The following RIPOR1 variants were observed in gnomAD, a reference collection of about 807,000 sequenced individuals.
The protein encoded by RIPOR1 is rho family-interacting cell polarization regulator 1.
A neutral mutation model predicts 116.5 loss-of-function variants in RIPOR1; 58 were observed. The ratio of observed to expected loss-of-function variants is 0.50; its 90% CI spans 0.40 to 0.62. The LOEUF (loss-of-function observed/expected upper bound fraction) is 0.62, where lower values mean the gene tolerates loss of function less well. Ranked by LOEUF, RIPOR1 falls within the 20% of genes least tolerant of loss-of-function variation. The probability of loss-of-function intolerance (pLI) is 0.00; values close to 1 mark genes in which losing one functional copy is unlikely to be tolerated. For missense variants in RIPOR1, 1,372 were observed against 1,586.2 expected, an observed-to-expected ratio of 0.86 and a Z score of 2.29; for synonymous variants, 605 against 650.0, an observed-to-expected ratio of 0.93 and a Z score of 1.05.
At position 67,543,114 on chromosome 16, in the gene RIPOR1, C is replaced by T. The variant is rs2051046844; in HGVS notation, c.2328C>T (p.Thr776=). The part of the protein sequence containing the change: ...SDLCLAMAVQ[T]PVPTAAGGSG... The stretch of plus-strand genomic sequence containing the variant: ...TTTGCCTGGCCATGGCTGTCCAGAC[C>T]CCAGTCCCAACGGCAGCCGGAGGGT... Residue 776 remains threonine (T), a synonymous_variant, in exon 13 of 22, where the codon ACC becomes ACT. Transcript: ENST00000042381. The surrounding 1 kb of genome is among the most constrained non-coding windows in gnomAD (Gnocchi z 4.7). 6.6e-7 allele frequency: 1 copy of T among 1,524,356 alleles called. No homozygotes were observed. The highest frequency in any genetic ancestry group is 1.4e-5 in the African/African-American group (1 of 71,972). The allele number at this position is 1,524,356 out of a possible 1,614,324, so 94.4% of individuals were successfully genotyped here.
At chr16:67,528,943 G>A in intron 1 of RIPOR1, 29 bp downstream of exon 1, 2 of 189,236 alleles carry the variant, frequency 1.1e-5, no homozygotes, top group Non-Finnish European at 2.2e-5. Flanking sequence ...TTCCGGGGCT[G>A]CAGGCCGGGC....
chr16:67,534,539 C>A (rs2142468172), intron 1 of RIPOR1, among the ~76,000 whole-genome samples: 1 of 152,332 alleles, frequency 6.6e-6, no homozygotes, highest in African/African-American at 2.4e-5. Flanking sequence ...CATATAGAAT[C>A]AGGAAATTTA....
In RIPOR1 at chr16:67,540,385, T is replaced by G. The variant is rs1597644096; in HGVS notation, c.631+22T>G. On this transcript the variant is annotated intron_variant, in intron 8 of 21. Transcript: ENST00000042381. This position sits in a 1 kb window ranked among gnomAD's most constrained non-coding sequence, Gnocchi z 4.7. Reference sequence around the variant, plus strand: ...AAAGGTACTGAGTTGTGGGGGCAGGTGGGGGGCTGGAGGGAGTATGCTGAA... The same window carrying G: ...AAAGGTACTGAGTTGTGGGGGCAGGGGGGGGGCTGGAGGGAGTATGCTGAA... 6.2e-7 allele frequency: 1 copy of G among 1,614,000 alleles called. No homozygotes were observed. The highest frequency in any genetic ancestry group is 8.5e-7 in the Non-Finnish European group (1 of 1,179,958).
rs1019316402 is a variant in RIPOR1 at position 67,537,385 on chromosome 16, A to G, written c.-23-1039A>G. ...CGGTCCCCTCCCCGAGGGGAACCCC[A>G]GTCACCGGTCCCGCCCCATCCAGGC... On this transcript the variant is annotated intron_variant, in intron 1 of 21. Transcript: ENST00000042381. The surrounding 1 kb of genome is among the most constrained non-coding windows in gnomAD (Gnocchi z 4.6). The G allele has an allele frequency of 8.3e-5, 102 of 1,229,562 alleles. No homozygotes were observed. Among genetic ancestry groups the G allele is most frequent in the Non-Finnish European group, 1.0e-4 (100 of 986,170 alleles). The allele number at this position is 1,229,562 out of a possible 1,614,324, so 76.2% of individuals were successfully genotyped here.
At chr16:67,527,004 G>A (rs2050545325), upstream of RIPOR1, among the ~76,000 whole-genome samples, 2 of 152,366 alleles carry the variant, frequency 1.3e-5, no homozygotes, top group Admixed American at 6.5e-5. Context: ...TCTGGGCACA[G>A]AGGGAAGTTT....
rs1296098519 is a variant in RIPOR1 at position 67,542,152 on chromosome 16, G to A, written c.1366G>A (p.Val456Ile). The change falls in exon 13 of 22, where the codon GTA becomes ATA. Residue 456 changes from valine to isoleucine, a missense_variant. Transcript: ENST00000042381. This position sits in a 1 kb window ranked among gnomAD's most constrained non-coding sequence, Gnocchi z 4.6. ...RTLSHISEASVDAALAEASVE... is the reference protein window; with the variant it reads ...RTLSHISEASIDAALAEASVE... ...TCTGAGCCACATCAGTGAGGCTAGT[G>A]TAGATGCTGCCTTGGCTGAGGCTTC... The A allele has an allele frequency of 6.2e-7, 1 of 1,613,984 alleles. No homozygotes were observed. Among genetic ancestry groups the A allele is most frequent in the Non-Finnish European group, 8.5e-7 (1 of 1,179,902 alleles).
chr16:67,544,267 C>G lies in RIPOR1; in HGVS notation c.2601-32C>G, dbSNP rs1597655601. 6.3e-7 allele frequency: 1 copy of G among 1,581,754 alleles called. No individual in the cohort carries two copies. The highest frequency in any genetic ancestry group is 2.3e-5 in the East Asian group (1 of 44,028). ...CTGGTGACCAGGTGGTGATGTGTGCCTGTGGGGTGGTGGACCCCATTTTTC... is the reference window on the plus strand; with the variant it reads ...CTGGTGACCAGGTGGTGATGTGTGCGTGTGGGGTGGTGGACCCCATTTTTC... On this transcript the variant is annotated intron_variant, in intron 14 of 21. Coordinates refer to ENST00000042381, the MANE Select transcript of RIPOR1 (RefSeq NM_024519.4). The surrounding 1 kb of genome is among the most constrained non-coding windows in gnomAD (Gnocchi z 5.1).
intron 1 of RIPOR1, among the ~76,000 whole-genome samples, chr16:67,534,116 GGCTGA>G (rs1567564222): frequency 1.3e-5 from 2 of 150,174 alleles, no homozygotes; most frequent in African/African-American, 2.5e-5. Context: ...TGCTGCACTG[GGCTGA>G]GTCATTTCTT....
chr16:67,543,578 AG>A lies in RIPOR1; in HGVS notation c.2600+111del, dbSNP rs2051068796. ...TTGGGAGAAAGTCAAAGGACAGGACAGGTGAGGCAGGGCCAGGTGGAGCATG... is the reference window on the plus strand; with the variant it reads ...TTGGGAGAAAGTCAAAGGACAGGACAGTGAGGCAGGGCCAGGTGGAGCATG... On this transcript the variant is annotated intron_variant, in intron 14 of 21. Coordinates refer to ENST00000042381, the MANE Select transcript of RIPOR1 (RefSeq NM_024519.4). The surrounding 1 kb of genome is among the most constrained non-coding windows in gnomAD (Gnocchi z 4.7). 6.8e-7 allele frequency: 1 copy of A among 1,468,430 alleles called. No homozygotes were observed. Among genetic ancestry groups the A allele is most frequent in the African/African-American group, 1.4e-5 (1 of 71,768 alleles). The allele number at this position is 1,468,430 out of a possible 1,614,324, so 91.0% of individuals were successfully genotyped here. A position where few individuals can be genotyped will look rare whatever the true frequency, so the allele number is the denominator to read the frequency against.
Position 67,540,208 on chromosome 16 carries a change from G to A in RIPOR1, c.567+3G>A. On this transcript the variant is annotated splice_donor_region_variant and intron_variant, in intron 7 of 21. Transcript: ENST00000042381. The surrounding 1 kb of genome is among the most constrained non-coding windows in gnomAD (Gnocchi z 4.7). ...GGGGGCATCGCGAGTACACGGAGGT[G>A]AGGGATGGGGGCCCATGAGGCAGAG... 1 of 1,613,996 alleles carries A rather than the reference G, an allele frequency of 6.2e-7. No homozygotes were observed. Among genetic ancestry groups the A allele is most frequent in the Non-Finnish European group, 8.5e-7 (1 of 1,179,942 alleles).
At position 67,542,134 on chromosome 16, in the gene RIPOR1, C is replaced by T; in HGVS notation, c.1348C>T (p.His450Tyr). The T allele has an allele frequency of 6.2e-7, 1 of 1,613,762 alleles. No individual in the cohort carries two copies. The highest frequency in any genetic ancestry group is 8.5e-7 in the Non-Finnish European group (1 of 1,179,736). Residue 450 changes from histidine to tyrosine, a missense_variant, in exon 13 of 22, where the codon CAC becomes TAC. His to Tyr is a moderately conservative substitution (Grantham distance 83). This residue lies in a region of RIPOR1 where 1,005 missense variants were observed against 1,144.7 expected (regional missense o/e 0.88). Coordinates refer to ENST00000042381, the MANE Select transcript of RIPOR1 (RefSeq NM_024519.4). This position sits in a 1 kb window ranked among gnomAD's most constrained non-coding sequence, Gnocchi z 4.6. ...TGCACCCTACAGTCGGACTCTGAGC[C>T]ACATCAGTGAGGCTAGTGTAGATGC... ...GHAPYSRTLS[H>Y]ISEASVDAAL...
upstream of RIPOR1, among the ~76,000 whole-genome samples, chr16:67,524,353 T>A (rs2050523183): frequency 6.6e-6 from 1 of 152,176 alleles, no homozygotes; most frequent in Admixed American, 6.5e-5. Context: ...CCCGCAAGCC[T>A]CATACCTACC....
chr16:67,518,963 G>A (rs1455201563), intron 1 of RIPOR1, among the ~76,000 whole-genome samples: 3 of 152,214 alleles, frequency 2.0e-5, no homozygotes, highest in Non-Finnish European at 4.4e-5. Flanking sequence ...GCAGCAGTTA[G>A]GCGAAGGAAA....
At position 67,544,925 on chromosome 16, in the gene RIPOR1, G is replaced by T. The variant is rs781219256; in HGVS notation, c.2870-31G>T. 6.2e-7 allele frequency: 1 copy of T among 1,608,466 alleles called. No individual in the cohort carries two copies. The highest frequency in any genetic ancestry group is 8.5e-7 in the Non-Finnish European group (1 of 1,178,262). On this transcript the variant is annotated intron_variant, in intron 16 of 21. Coordinates refer to ENST00000042381, the MANE Select transcript of RIPOR1 (RefSeq NM_024519.4). The surrounding 1 kb of genome is among the most constrained non-coding windows in gnomAD (Gnocchi z 5.1). ...ATGCTCTCTACTCACCTGCCTGCCT[G>T]TTGCTGACGGTTTCCCTCACCCCCT... is the stretch of plus-strand genomic sequence containing the variant.
In RIPOR1 at chr16:67,544,958, G is replaced by A; in HGVS notation, c.2872G>A (p.Val958Met). The change falls in exon 17 of 22, where the codon GTG becomes ATG. Residue 958 changes from valine to methionine, a missense_variant and splice_region_variant. Around this residue, in one of 3 missense-constraint regions of RIPOR1, gnomAD observed 1,005 missense variants for 1,144.7 expected, o/e 0.88. Transcript: ENST00000042381. The surrounding 1 kb of genome is among the most constrained non-coding windows in gnomAD (Gnocchi z 5.1). ...EIPASSAQEVVQFSASRPGFL... is the reference protein window; with the variant it reads ...EIPASSAQEVMQFSASRPGFL... ...CGGTTTCCCTCACCCCCTCACAGTG[G>A]TGCAGTTCTCGGCCTCTCGGCCTGG... 1 of 1,612,130 alleles carries A rather than the reference G, an allele frequency of 6.2e-7. No individual in the cohort carries two copies. The highest frequency in any genetic ancestry group is 8.5e-7 in the Non-Finnish European group (1 of 1,179,966).
Position 67,546,164 on chromosome 16 carries a change from G to T in RIPOR1, c.3495G>T (p.Leu1165=), listed in dbSNP as rs151009577. 3.7e-6 allele frequency: 6 copies of T among 1,613,870 alleles called. No individual in the cohort carries two copies. The African/African-American group carries it at 8.0e-5, about 22-fold the overall frequency. Residue 1165 remains leucine, a synonymous_variant, in exon 21 of 22, where the codon CTG becomes CTT. Transcript: ENST00000042381. ...CIKAPEGIEP[L]VYLCQTDTEA... Reference sequence around the variant, plus strand: ...AGGCTCCCGAGGGCATTGAGCCCCTGGTGTACCTCTGCCAAACTGACACAG... The same window carrying T: ...AGGCTCCCGAGGGCATTGAGCCCCTTGTGTACCTCTGCCAAACTGACACAG...
chr16:67,540,527 G>C lies in RIPOR1; in HGVS notation c.675+26G>C. 1 of 1,614,120 alleles carries C rather than the reference G, an allele frequency of 6.2e-7. No individual in the cohort carries two copies. The highest frequency in any genetic ancestry group is 1.1e-5 in the South Asian group (1 of 91,084). Reference sequence around the variant, plus strand: ...GTATGAGAATGTGCAGGGAAGGGCTGGGTCGGTAGGGTCCCAACACCTAGG... The same window carrying C: ...GTATGAGAATGTGCAGGGAAGGGCTCGGTCGGTAGGGTCCCAACACCTAGG... On this transcript the variant is annotated intron_variant, in intron 9 of 21. Transcript: ENST00000042381. The surrounding 1 kb of genome is among the most constrained non-coding windows in gnomAD (Gnocchi z 4.7).
intron 1 of RIPOR1, among the ~76,000 whole-genome samples, chr16:67,534,845 T>C (rs866192997): frequency 0.011 from 1,492 of 137,814 alleles, 32 homozygotes; most frequent in African/African-American, 0.04. Flanking sequence ...CTTTTTTTTT[T>C]TTTTTTTTTT....
At chr16:67,526,619 C>A (rs909626153), upstream of RIPOR1, among the ~76,000 whole-genome samples, 1 of 152,224 alleles carries the variant, frequency 6.6e-6, no homozygotes, top group Non-Finnish European at 1.5e-5. Context: ...ATGAGCCAGG[C>A]ACCTTGATGA....
Sources: allele counts gnomAD v4.1 joint callset (sites outside exome capture counted in the v4.1 genomes callset), GRCh38; gene constraint gnomAD v4.1.1; regional missense constraint gnomAD v4.1.1; non-coding constraint Gnocchi (gnomAD v3.1); transcripts MANE v1.5; gene names NCBI Gene and HGNC (gene_info 2026-07-23, HGNC 2026-07-21).